The following RABGAP1L variants were observed in gnomAD, a reference collection of about 807,000 sequenced individuals.
The protein encoded by RABGAP1L is RAB GTPase activating protein 1 like, also known as rab GTPase-activating protein 1-like.
RABGAP1L carries 63 observed loss-of-function variants against 137.7 expected under a neutral mutation model. The ratio of observed to expected loss-of-function variants is 0.46; its 90% CI spans 0.37 to 0.56. The LOEUF (loss-of-function observed/expected upper bound fraction) is 0.56, where lower values mean the gene tolerates loss of function less well. RABGAP1L is among the 20% of genes least tolerant of loss of function. The pLI is 0.00. For missense variants in RABGAP1L, 1,095 were observed against 1,244.0 expected, an observed-to-expected ratio of 0.88 and a Z score of 1.80; for synonymous variants, 431 against 433.7, an observed-to-expected ratio of 0.99 and a Z score of 0.08.
At chr1:174,672,281 CTTTTTTT>C (rs1256381168) in intron 14 of RABGAP1L, among the ~76,000 whole-genome samples, 1 of 118,368 alleles carries the variant, frequency 8.4e-6, no homozygotes, top group East Asian at 2.4e-4. Flanking sequence ...TTTTTCCTTT[CTTTTTTT>C]TTTTTTTTTT....
intron 7 of RABGAP1L, among the ~76,000 whole-genome samples, chr1:174,259,773 A>G (rs923198700): frequency 6.6e-6 from 1 of 152,022 alleles, no homozygotes; most frequent in Admixed American, 6.6e-5. Context: ...ATGAACACTT[A>G]CTATTTGGTG....
chr1:174,681,363 A>G (rs1490759998), intron 14 of RABGAP1L, among the ~76,000 whole-genome samples: 1 of 152,142 alleles, frequency 6.6e-6, no homozygotes. Context: ...GCTACTCAGC[A>G]ATGAAAAGGA....
chr1:174,794,312 A>G (rs768016575), intron 18 of RABGAP1L, among the ~76,000 whole-genome samples: 9 of 152,158 alleles, frequency 5.9e-5, no homozygotes, highest in Admixed American at 3.9e-4. Context: ...CTCTCTTTCT[A>G]TTGTGAATAT....
intron 3 of RABGAP1L, among the ~76,000 whole-genome samples, chr1:174,221,649 G>T (rs1316474304): frequency 6.6e-6 from 1 of 152,134 alleles, no homozygotes; most frequent in Non-Finnish European, 1.5e-5. Context: ...AGATGCTTTT[G>T]GGTGCAAAAA....
chr1:174,376,298 C>G (rs1053829931), intron 12 of RABGAP1L, among the ~76,000 whole-genome samples: 3 of 151,980 alleles, frequency 2.0e-5, no homozygotes, highest in Non-Finnish European at 2.9e-5. Context: ...CATAAACTTT[C>G]CAGAATATAT....
rs939926587 is a variant in RABGAP1L, at chr1:174,617,311, A to G, written c.1711-20064A>G. Among the ~76,000 whole-genome samples, 10 of 152,220 alleles carry G rather than the reference A, an allele frequency of 6.6e-5. No homozygotes were observed. The East Asian group carries it at 1.7e-3, about 26-fold the overall frequency. ...CACAAAATCTGTAGCAGAAACAGCAACTGACCCTCTCGAATAGTGAAAAAT... is the reference window on the plus strand; with the variant it reads ...CACAAAATCTGTAGCAGAAACAGCAGCTGACCCTCTCGAATAGTGAAAAAT... On this transcript the variant is annotated intron_variant, in intron 13 of 25. Transcript: ENST00000681986.
chr1:174,212,857 A>G (rs1039838059), intron 1 of RABGAP1L, among the ~76,000 whole-genome samples: 1 of 152,204 alleles, frequency 6.6e-6, no homozygotes, highest in Admixed American at 6.5e-5. Context: ...AAAAGGAGGC[A>G]TTACAGTTGA....
chr1:174,321,322 A>G (rs985114081), intron 11 of RABGAP1L, among the ~76,000 whole-genome samples: 2 of 152,098 alleles, frequency 1.3e-5, no homozygotes, highest in East Asian at 3.9e-4. Context: ...CTCTGCCCCC[A>G]TTTGGCTTGT....
chr1:174,551,011 T>TATATATATATATATATATAC (rs1666491381), intron 13 of RABGAP1L, among the ~76,000 whole-genome samples: 5 of 123,404 alleles, frequency 4.1e-5, no homozygotes, highest in African/African-American at 2.0e-4. Flanking sequence ...TATATATATA[T>TATATATATATATATATATAC]ATATATATAT....
At chr1:174,310,905 T>C (rs929253773) in intron 11 of RABGAP1L, among the ~76,000 whole-genome samples, 2 of 152,172 alleles carry the variant, frequency 1.3e-5, no homozygotes, top group South Asian at 4.1e-4. Context: ...TTACACACAA[T>C]CCAGTTATAT....
At chr1:174,457,715 C>G (rs2149272776) in intron 13 of RABGAP1L, among the ~76,000 whole-genome samples, 2 of 152,150 alleles carry the variant, frequency 1.3e-5, no homozygotes, top group Middle Eastern at 6.8e-3. Context: ...GTTGGCCAGG[C>G]TGGTCTCAAA....
intron 13 of RABGAP1L, among the ~76,000 whole-genome samples, chr1:174,583,894 C>T (rs894048872): frequency 6.6e-6 from 1 of 152,130 alleles, no homozygotes; most frequent in African/African-American, 2.4e-5. Context: ...ATTAGCATCA[C>T]AATTGTGGTG....
At chr1:174,621,490 T>A (rs1672464609) in intron 13 of RABGAP1L, among the ~76,000 whole-genome samples, 1 of 152,198 alleles carries the variant, frequency 6.6e-6, no homozygotes, top group Non-Finnish European at 1.5e-5. Context: ...AGCATGGTAC[T>A]GGTAGCAAAA....
At chr1:174,632,731 T>C (rs1280091055) in intron 13 of RABGAP1L, among the ~76,000 whole-genome samples, 8 of 145,964 alleles carry the variant, frequency 5.5e-5, no homozygotes, top group South Asian at 4.5e-4. Flanking sequence ...CGAGCCTTGG[T>C]TTTCAGCTCC....
intron 13 of RABGAP1L, among the ~76,000 whole-genome samples, chr1:174,621,032 T>G (rs1672405635): frequency 6.6e-6 from 1 of 152,084 alleles, no homozygotes; most frequent in Admixed American, 6.5e-5. Context: ...CTAGAAAATC[T>G]AGAAGAAATG....
intron 18 of RABGAP1L, among the ~76,000 whole-genome samples, chr1:174,792,422 A>G (rs1307122744): frequency 6.6e-6 from 1 of 152,074 alleles, no homozygotes; most frequent in Non-Finnish European, 1.5e-5. Context: ...GAAAATTAAG[A>G]CTGTCTTTGA....
intron 13 of RABGAP1L, among the ~76,000 whole-genome samples, chr1:174,550,901 C>CCT (rs1666406867): frequency 1.1e-5 from 1 of 92,226 alleles, no homozygotes; most frequent in Admixed American, 1.1e-4. Flanking sequence ...TATATACACA[C>CCT]ACACATATAC....
intron 17 of RABGAP1L, among the ~76,000 whole-genome samples, chr1:174,735,634 A>G (rs913073357): frequency 1.1e-4 from 16 of 150,718 alleles, no homozygotes; most frequent in African/African-American, 3.9e-4. Flanking sequence ...AAAAAAAAAA[A>G]AAAAAAAGAA....
chr1:174,622,670 C>G (rs887493427), intron 13 of RABGAP1L, among the ~76,000 whole-genome samples: 1 of 152,092 alleles, frequency 6.6e-6, no homozygotes, highest in African/African-American at 2.4e-5. Context: ...CACATGGACA[C>G]AGGAAGGGGA....
Sources: allele counts gnomAD v4.1 joint callset (sites outside exome capture counted in the v4.1 genomes callset), GRCh38; gene constraint gnomAD v4.1.1; transcripts MANE v1.5; gene names NCBI Gene and HGNC (gene_info 2026-07-23, HGNC 2026-07-21).